SORBS2: variants seen among roughly 807,000 people sequenced by gnomAD.
SORBS2 encodes sorbin and SH3 domain-containing protein 2.
Under a neutral mutation model 97.7 loss-of-function variants are expected in SORBS2, and 46 were observed. The observed-to-expected ratio is 0.47, with a 90% CI of 0.37 to 0.60. The LOEUF (loss-of-function observed/expected upper bound fraction) is 0.60, where lower values mean the gene tolerates loss of function less well. Among genes scored for constraint, SORBS2 ranks in the 20% least tolerant of loss-of-function variants. The pLI is 0.00. For missense variants in SORBS2, 1,316 were observed against 1,282.3 expected (o/e 1.03, Z -0.40); for synonymous variants, 476 against 473.4 (o/e 1.01, Z -0.07).
intron 2 of SORBS2, among the ~76,000 whole-genome samples, chr4:185,695,979 G>C (rs2098169690): frequency 6.6e-6 from 1 of 152,180 alleles, no homozygotes; most frequent in African/African-American, 2.4e-5. Flanking sequence ...GTACCTCCCA[G>C]AACTCCTGTG....
intron 2 of SORBS2, among the ~76,000 whole-genome samples, chr4:185,762,676 C>T (rs545564994): frequency 6.6e-6 from 1 of 152,258 alleles, no homozygotes; most frequent in South Asian, 2.1e-4. Context: ...TCCAATACCG[C>T]TTTATGTTAA....
At chr4:185,758,940 C>G (rs1395699081) in intron 2 of SORBS2, among the ~76,000 whole-genome samples, 1 of 152,214 alleles carries the variant, frequency 6.6e-6, no homozygotes, top group African/African-American at 2.4e-5. Context: ...TTTTGAGCCC[C>G]TTTTACTCTC....
intron 6 of SORBS2, 92 bp from the exon 19 acceptor site, chr4:185,624,586 C>G: frequency 4.4e-6 from 6 of 1,352,710 alleles, no homozygotes; most frequent in Non-Finnish European, 5.9e-6. Flanking sequence ...AAGCATCAGA[C>G]AGCATAGCAA....
At chr4:185,626,132 T>A (rs2096807210) in intron 6 of SORBS2, among the ~76,000 whole-genome samples, 1 of 150,118 alleles carries the variant, frequency 6.7e-6, no homozygotes, top group Admixed American at 6.6e-5. Flanking sequence ...CCAGAAGGAG[T>A]GACTTCTTTC....
Position 185,751,190 on chromosome 4 carries a change from A to AAAAAAAAAAAAAAAAAAAAAAAGAG in SORBS2, c.-198+24036_-198+24037insCTCTTTTTTTTTTTTTTTTTTTTTT. ...TAAATACTAAAAAAAAAAAAAAAAA[A>AAAAAAAAAAAAAAAAAAAAAAAGAG]AGAGAAAGAGAGAGAAATTCAGGAA... On this transcript the variant is annotated intron_variant, in intron 2 of 20. Coordinates refer to the SORBS2 transcript ENST00000284776. Among the ~76,000 whole-genome samples the AAAAAAAAAAAAAAAAAAAAAAAGAG allele has an allele frequency of 1.3e-3, 109 of 86,450 alleles. 7 individuals are homozygous for AAAAAAAAAAAAAAAAAAAAAAAGAG. The highest frequency in any genetic ancestry group is 3.6e-3 in the African/African-American group (89 of 24,394). The allele number at this position is 86,450 out of a possible 152,430, so 56.7% of individuals were successfully genotyped here.
chr4:185,588,625 T>C (rs1171064867), intron 14 of SORBS2, among the ~76,000 whole-genome samples: 1 of 129,134 alleles, frequency 7.7e-6, no homozygotes, highest in Non-Finnish European at 1.7e-5. Context: ...TCCTCCTCCT[T>C]GTTTTTGAGA....
intron 1 of SORBS2, among the ~76,000 whole-genome samples, chr4:185,808,954 T>A (rs903375886): frequency 3.3e-5 from 5 of 152,198 alleles, no homozygotes; most frequent in Non-Finnish European, 4.4e-5. Context: ...AGTTGTTTTG[T>A]TTAAAACATA....
At chr4:185,927,334 T>C (rs1165089128) in intron 1 of SORBS2, among the ~76,000 whole-genome samples, 1 of 152,070 alleles carries the variant, frequency 6.6e-6, no homozygotes, top group Non-Finnish European at 1.5e-5. Flanking sequence ...GTTTGGTACA[T>C]AAGTATACAC....
intron 1 of SORBS2, among the ~76,000 whole-genome samples, chr4:185,796,524 T>C (rs1269168268): frequency 7.7e-6 from 1 of 130,662 alleles, no homozygotes; most frequent in African/African-American, 3.0e-5. Context: ...GGCCACGCTG[T>C]TCCCTGGTCA....
At chr4:185,908,551 A>C (rs2099253012) in intron 1 of SORBS2, among the ~76,000 whole-genome samples, 1 of 151,818 alleles carries the variant, frequency 6.6e-6, no homozygotes, top group South Asian at 2.1e-4. Flanking sequence ...TGGAAAATGA[A>C]TCTGTCTGTC....
chr4:185,913,793 T>C (rs2099256627), intron 1 of SORBS2, among the ~76,000 whole-genome samples: 1 of 152,180 alleles, frequency 6.6e-6, no homozygotes, highest in Admixed American at 6.5e-5. Context: ...ATTGCAATGG[T>C]TTAGTCTGAA....
intron 1 of SORBS2, among the ~76,000 whole-genome samples, chr4:185,806,981 C>T (rs1343428166): frequency 6.6e-6 from 1 of 152,116 alleles, no homozygotes; most frequent in African/African-American, 2.4e-5. Context: ...TGAACTCTCC[C>T]ATTCAAAGCA....
intron 1 of SORBS2, among the ~76,000 whole-genome samples, chr4:185,938,810 G>T (rs1009426690): frequency 6.6e-6 from 1 of 151,882 alleles, no homozygotes; most frequent in African/African-American, 2.4e-5. Flanking sequence ...TTCATCCCCT[G>T]CTCCTCTATT....
At chr4:185,669,999 A>G (rs2097685856) in intron 4 of SORBS2, among the ~76,000 whole-genome samples, 1 of 152,174 alleles carries the variant, frequency 6.6e-6, no homozygotes, top group African/African-American at 2.4e-5. Flanking sequence ...CGGGCAGATC[A>G]CCTGAGGTCA....
intron 13 of SORBS2, 52 bp from the exon 26 acceptor site, chr4:185,589,837 A>G: frequency 1.1e-6 from 1 of 947,872 alleles, no homozygotes; most frequent in Middle Eastern, 2.1e-4. Flanking sequence ...CCTTCATGAA[A>G]TATAGAAGAT....
chr4:185,811,713 T>C lies in SORBS2; in HGVS notation c.-337-36347A>G, dbSNP rs2099186340. On this transcript the variant is annotated intron_variant, in intron 1 of 20. An upstream open reading frame in the 5' UTR loses its in-frame stop. Transcript: ENST00000284776. ...AGGAAGCCCCTTCTCCGCCTCGGCC[T>C]CAGCGTGCAGACATATGCCCTGGGA... 6.6e-6 allele frequency: 1 copy of C among 152,292 alleles called. No individual in the cohort carries two copies. The highest frequency in any genetic ancestry group is 6.5e-5 in the Admixed American group (1 of 15,286). The allele number at this position is 152,292 out of a possible 1,614,324, so 9.4% of individuals were successfully genotyped here. A position where few individuals can be genotyped will look rare whatever the true frequency, so the allele number is the denominator to read the frequency against.
At position 185,709,304 on chromosome 4, in the gene SORBS2, C is replaced by CCTTTTTTTTTTTTTTTTTTTTTTT. The variant is rs1554199361; in HGVS notation, c.-197-30483_-197-30482insAAAAAAAAAAAAAAAAAAAAAAAG. On this transcript the variant is annotated intron_variant, in intron 2 of 20. Coordinates refer to the SORBS2 transcript ENST00000284776. ...GCATGAGCCGCTGTGCTGGCCAAAT[C>CCTTTTTTTTTTTTTTTTTTTTTTT]TTTTTTTTTTTTTTTTTTTTAGTAA... 9.9e-4 allele frequency among the ~76,000 whole-genome samples: 96 copies of CCTTTTTTTTTTTTTTTTTTTTTTT among 96,714 alleles called. 6 individuals carry two copies. Among genetic ancestry groups the CCTTTTTTTTTTTTTTTTTTTTTTT allele is most frequent in the East Asian group, 2.4e-3 (8 of 3,286 alleles). 63.4% of individuals were successfully genotyped at this position (96,714 alleles called of 152,430 possible).
intron 4 of SORBS2, 41 bp from the exon 15 acceptor site, chr4:185,638,203 T>A: frequency 3.3e-6 from 4 of 1,196,262 alleles, no homozygotes; most frequent in Non-Finnish European, 5.0e-6. Flanking sequence ...AAAGGCACAC[T>A]GAGCAAAGTG....
chr4:185,851,232 G>T (rs2099217718), intron 1 of SORBS2, among the ~76,000 whole-genome samples: 1 of 152,102 alleles, frequency 6.6e-6, no homozygotes, highest in Non-Finnish European at 1.5e-5. Flanking sequence ...CCTCTGACAT[G>T]GCTATTGTTA....
Sources: allele counts gnomAD v4.1 joint callset (sites outside exome capture counted in the v4.1 genomes callset), GRCh38; gene constraint gnomAD v4.1.1; transcripts MANE v1.5; gene names NCBI Gene and HGNC (gene_info 2026-07-23, HGNC 2026-07-21).